Variants in URGCP observed in about 807,000 individuals in gnomAD.
URGCP encodes the protein upregulator of cell proliferation, also known as up-regulator of cell proliferation.
Under a neutral mutation model 24.6 loss-of-function variants are expected in URGCP, and 13 were observed. That is an observed-to-expected ratio of 0.53 (90% confidence interval 0.34 to 0.84). The LOEUF (loss-of-function observed/expected upper bound fraction) is 0.84. URGCP is among the 40% of genes least tolerant of loss of function. The pLI is 0.01. For synonymous variants in URGCP, 444 were observed against 487.2 expected, an observed-to-expected ratio of 0.91 and a Z score of 1.17; for missense variants, 899 against 1,194.3, an observed-to-expected ratio of 0.75 and a Z score of 3.64.
rs774890216 is a variant in URGCP, at chr7:43,887,773, C to G, written c.41+17G>C. The G allele has an allele frequency of 1.9e-6, 3 of 1,548,940 alleles. No individual in the cohort carries two copies. Among genetic ancestry groups the G allele is most frequent in the Non-Finnish European group, 2.6e-6 (3 of 1,146,312 alleles). ...GCACAAATACAGTCATTCAGAAAGA[C>G]AGAAAAATATACATACCCTTTGCCC... On this transcript the variant is annotated intron_variant, in intron 2 of 5. Transcript: ENST00000453200.
At chr7:43,890,139 A>T (rs1418911087) in intron 1 of URGCP, among the ~76,000 whole-genome samples, 1 of 151,558 alleles carries the variant, frequency 6.6e-6, no homozygotes, top group African/African-American at 2.4e-5. Flanking sequence ...TCCTGACCTC[A>T]AGTGATCCAC....
chr7:43,911,859 T>C (rs1238085949), intron 1 of URGCP, among the ~76,000 whole-genome samples: 1 of 152,130 alleles, frequency 6.6e-6, no homozygotes, highest in Non-Finnish European at 1.5e-5. Context: ...TCATATAAAG[T>C]ATCTTTTTTG....
intron 3 of URGCP, among the ~76,000 whole-genome samples, chr7:43,884,628 A>C (rs573311533): frequency 6.6e-6 from 1 of 152,318 alleles, no homozygotes; most frequent in African/African-American, 2.4e-5. Context: ...CAGGAGTTCA[A>C]GACCAGCCTG....
chr7:43,879,242 T>A lies in URGCP; in HGVS notation c.221A>T (p.Gln74Leu). The change falls in exon 6 of 6, where the codon CAA (glutamine) becomes CTA (leucine). Residue 74 changes from glutamine to leucine, a missense_variant. By Grantham distance (113) the Gln-to-Leu change is moderately radical (BLOSUM62 -2). Transcript: ENST00000453200. Reference protein sequence around the residue: ...DFPTVERSRLQEMLSLLGLET... With the variant: ...DFPTVERSRLLEMLSLLGLET... ...TAGGCCCAAAAGTGACAGCATTTCT[T>A]GAAGCCTGCTTCTCTCCACTGTGGA... is the stretch of plus-strand genomic sequence containing the variant. The A allele has an allele frequency of 6.2e-7, 1 of 1,610,480 alleles. No individual in the cohort carries two copies. The highest frequency in any genetic ancestry group is 8.5e-7 in the Non-Finnish European group (1 of 1,179,112).
chr7:43,919,483 C>T (rs2095919655), intron 1 of URGCP: 2 of 1,118,754 alleles, frequency 1.8e-6, no homozygotes, highest in South Asian at 2.5e-5. Flanking sequence ...TCACTCATTC[C>T]CACCCCATGG....
At chr7:43,881,401 A>C in intron 5 of URGCP, 1 of 609,598 alleles carries the variant, frequency 1.6e-6, no homozygotes, top group Non-Finnish European at 2.9e-6. Flanking sequence ...ATGCTAACTT[A>C]TTAAAGGCAG....
In URGCP at chr7:43,884,506, T is replaced by C. The variant is rs539669965; in HGVS notation, c.113-2549A>G. On this transcript the variant is annotated intron_variant, in intron 3 of 5. Coordinates refer to ENST00000453200, the MANE Select transcript of URGCP (RefSeq NM_001077663.3). ...CCCAGGAATAACTGTTATGAGCCCA[T>C]TGTTGGAGAACTCCAAGTAAGGCCA... Among the ~76,000 whole-genome samples, 7 of 152,234 alleles carry C rather than the reference T, an allele frequency of 4.6e-5. No homozygotes were observed. In the South Asian group the frequency reaches 1.2e-3, roughly 27 times the overall value.
chr7:43,925,697 A>G (rs559633867), intron 1 of URGCP, among the ~76,000 whole-genome samples: 46 of 151,006 alleles, frequency 3.0e-4, no homozygotes, highest in African/African-American at 1.1e-3. Flanking sequence ...ACGGAGTTTC[A>G]GCATGTTGGC....
intron 5 of URGCP, 83 bp downstream of exon 5, chr7:43,881,576 G>C: frequency 1.3e-6 from 2 of 1,558,158 alleles, no homozygotes; most frequent in Non-Finnish European, 1.7e-6. Flanking sequence ...CAGGTGATTT[G>C]ATACAGTCAG....
rs1397479542 is a variant in URGCP, at chr7:43,879,270, G to A, written c.203-10C>T. The A allele has an allele frequency of 2.5e-6, 4 of 1,597,438 alleles. No individual in the cohort carries two copies. Among genetic ancestry groups the A allele is most frequent in the Non-Finnish European group, 3.4e-6 (4 of 1,174,332 alleles). On this transcript the variant is annotated splice_polypyrimidine_tract_variant and intron_variant, in intron 5 of 5. Transcript: ENST00000453200. ...AGCCTGCTTCTCTCCACTGTGGAAAGAAATGAAGACATAAGTGCTCACCCT... is the reference window on the plus strand; with the variant it reads ...AGCCTGCTTCTCTCCACTGTGGAAAAAAATGAAGACATAAGTGCTCACCCT...
upstream of URGCP, chr7:43,926,654 C>T: frequency 7.5e-7 from 1 of 1,326,172 alleles, no homozygotes; most frequent in Non-Finnish European, 1.0e-6. Flanking sequence ...GGAGGCTCCG[C>T]GAGTCGCGGA....
chr7:43,902,187 G>A (rs982914159), intron 1 of URGCP, among the ~76,000 whole-genome samples: 1 of 150,844 alleles, frequency 6.6e-6, no homozygotes, highest in African/African-American at 2.4e-5. Flanking sequence ...GAGGGGGGAA[G>A]AAGAGGGGCA....
Position 43,877,777 on chromosome 7 carries a change from C to T in URGCP, c.1686G>A (p.Glu562=). Residue 562 remains glutamate (E), a synonymous_variant, in exon 6 of 6, where the codon GAG becomes GAA. Transcript: ENST00000453200. The part of the protein sequence containing the change: ...ISGISSPSLS[E]KQYFLRWMEW... ...CCATCCACCTCAGGAAGTACTGCTT[C>T]TCACTCAAGGAGGGGCTGCTGATCC... The T allele has an allele frequency of 6.2e-7, 1 of 1,602,922 alleles. No individual in the cohort carries two copies. Among genetic ancestry groups the T allele is most frequent in the Non-Finnish European group, 8.5e-7 (1 of 1,174,486 alleles).
chr7:43,881,478 T>G (rs1316699353), intron 5 of URGCP, among the ~76,000 whole-genome samples, 181 bp downstream of exon 5: 5 of 149,560 alleles, frequency 3.3e-5, no homozygotes, highest in South Asian at 2.1e-4. Flanking sequence ...CCCAGGGTTT[T>G]TTTTTTTTTT....
chr7:43,903,072 C>T (rs2095894274), intron 1 of URGCP, among the ~76,000 whole-genome samples: 1 of 149,520 alleles, frequency 6.7e-6, no homozygotes, highest in South Asian at 2.1e-4. Context: ...TGGCTTGAGC[C>T]CAGGAGTTCA....
At position 43,876,593 on chromosome 7, in the gene URGCP, C is replaced by T; in HGVS notation, c.*74G>A. ...GCCATTCTCAGGCACCAGAGCACAGCCCCACACGGGTGCCCCATCAGACAG... is the reference window on the plus strand; with the variant it reads ...GCCATTCTCAGGCACCAGAGCACAGTCCCACACGGGTGCCCCATCAGACAG... On this transcript the variant is annotated 3_prime_UTR_variant, in exon 6 of 6. Coordinates refer to ENST00000453200, the MANE Select transcript of URGCP (RefSeq NM_001077663.3). 3.3e-6 allele frequency: 5 copies of T among 1,509,986 alleles called. No individual in the cohort carries two copies. The highest frequency in any genetic ancestry group is 1.3e-5 in the South Asian group (1 of 79,454). The allele number at this position is 1,509,986 out of a possible 1,614,324, so 93.5% of individuals were successfully genotyped here.
At chr7:43,918,968 C>T (rs1436256046) in intron 1 of URGCP, 3 of 1,327,692 alleles carry the variant, frequency 2.3e-6, no homozygotes, top group Non-Finnish European at 1.1e-6. Context: ...CAGAGAACAT[C>T]TACCTGTCGG....
At chr7:43,894,848 A>C (rs931862235) in intron 1 of URGCP, among the ~76,000 whole-genome samples, 2 of 152,114 alleles carry the variant, frequency 1.3e-5, no homozygotes, top group African/African-American at 2.4e-5. Context: ...TAGGCAACAG[A>C]AGGAGACTTC....
intron 1 of URGCP, among the ~76,000 whole-genome samples, chr7:43,896,002 A>C (rs960676955): frequency 6.6e-6 from 1 of 152,358 alleles, no homozygotes. Flanking sequence ...CTATTTAGCC[A>C]TAAAAAAGAA....
Sources: allele counts gnomAD v4.1 joint callset (sites outside exome capture counted in the v4.1 genomes callset), GRCh38; gene constraint gnomAD v4.1.1; transcripts MANE v1.5; gene names NCBI Gene and HGNC (gene_info 2026-07-23, HGNC 2026-07-21).